Variants in NEXMIF observed in about 807,000 individuals in gnomAD.
NEXMIF encodes neurite extension and migration factor, also known as XLMR protein related to neurite extension.
A neutral mutation model predicts 62.1 loss-of-function variants in NEXMIF; 8 were observed. The observed-to-expected ratio is 0.13, with a 90% CI of 0.08 to 0.23. The LOEUF (loss-of-function observed/expected upper bound fraction) is 0.23. Ranked by LOEUF, NEXMIF falls within the 10% of genes least tolerant of loss-of-function variation. The pLI, the probability that NEXMIF is intolerant of heterozygous loss-of-function variation, is 1.00. For missense variants in NEXMIF, 976 were observed against 1,113.3 expected (o/e 0.88, Z 1.75); for synonymous variants, 404 against 416.6 (o/e 0.97, Z 0.37).
chrX:74,783,808 A>G (rs950284098), intron 1 of NEXMIF, among the ~76,000 whole-genome samples: 1 of 111,833 alleles, frequency 8.9e-6, no homozygotes, highest in Non-Finnish European at 1.9e-5. Context: ...TTTATTGTCC[A>G]TCTGTAAGAT....
At chrX:74,793,287 C>A (rs374204508) in intron 1 of NEXMIF, among the ~76,000 whole-genome samples, 46 of 109,768 alleles carry the variant, frequency 4.2e-4, no homozygotes, top group East Asian at 1.7e-3. Context: ...TTTCTTTAAG[C>A]ATGTTGAATA....
intron 1 of NEXMIF, among the ~76,000 whole-genome samples, chrX:74,865,686 C>G (rs1259827923): frequency 8.9e-6 from 1 of 112,000 alleles, no homozygotes; most frequent in Admixed American, 9.4e-5. Context: ...CAGGGCCCCT[C>G]TGTTATGTGC....
At chrX:74,885,473 T>A (rs1421863470) in intron 1 of NEXMIF, among the ~76,000 whole-genome samples, 1 of 111,310 alleles carries the variant, frequency 9.0e-6, no homozygotes, top group Non-Finnish European at 1.9e-5. Flanking sequence ...ATATCACCAC[T>A]GATCCCACAG....
chrX:74,794,304 G>A (rs1253090353), intron 1 of NEXMIF, among the ~76,000 whole-genome samples: 4 of 106,049 alleles, frequency 3.8e-5, no homozygotes, highest in African/African-American at 1.0e-4. Context: ...CAGGGGTCAG[G>A]GACCCACTTG....
At position 74,866,540 on chromosome X, in the gene NEXMIF, A is replaced by G. The variant is rs747417071; in HGVS notation, c.-48+58343T>C. Among the ~76,000 whole-genome samples the G allele has an allele frequency of 1.1e-4, 12 of 112,276 alleles. No homozygotes were observed. The East Asian group carries it at 3.1e-3, about 29-fold the overall frequency. On this transcript the variant is annotated intron_variant, in intron 1 of 3. Transcript: ENST00000055682. ...GGCATTATTGGTTTCAAAATGTGAG[A>G]ACATGAGATTTGGAAGGGGCCAAGG... is the stretch of plus-strand genomic sequence containing the variant.
intron 1 of NEXMIF, among the ~76,000 whole-genome samples, chrX:74,791,381 G>A (rs895371717): frequency 6.3e-5 from 7 of 111,528 alleles, no homozygotes; most frequent in Non-Finnish European, 1.1e-4. Flanking sequence ...CGGTTTGCCA[G>A]TATTTTATTG....
At position 74,775,506 on chromosome X, in the gene NEXMIF, G is replaced by A. The variant is rs1169082549; in HGVS notation, c.-47-29809C>T. ...ACATCACAGAATCAGTTTAGAGCCT[G>A]CTATTTTGTTGATGCCTTGAACACT... On this transcript the variant is annotated intron_variant, in intron 1 of 3. Coordinates refer to ENST00000055682, the MANE Select transcript of NEXMIF (RefSeq NM_001008537.3). Among the ~76,000 whole-genome samples, 9 of 112,191 alleles carry A rather than the reference G, an allele frequency of 8.0e-5. No homozygotes were observed. The East Asian group carries it at 2.5e-3, about 31-fold the overall frequency.
At chrX:74,790,497 T>G (rs1446320488) in intron 1 of NEXMIF, among the ~76,000 whole-genome samples, 1 of 110,797 alleles carries the variant, frequency 9.0e-6, no homozygotes, top group Non-Finnish European at 1.9e-5. Context: ...AAGTAGTTTT[T>G]TCCAATTCTG....
chrX:74,773,097 A>T (rs12687110), intron 1 of NEXMIF, among the ~76,000 whole-genome samples: 7,049 of 111,016 alleles, frequency 0.063, 259 homozygotes, highest in African/African-American at 0.14. Context: ...GATGTAGGTA[A>T]CCTGCCCCAT....
At chrX:74,888,055 G>A (rs1020778280) in intron 1 of NEXMIF, among the ~76,000 whole-genome samples, 6 of 109,244 alleles carry the variant, frequency 5.5e-5, no homozygotes, top group African/African-American at 1.3e-4. Flanking sequence ...AACCAAACAC[G>A]GCATGTTCTC....
At chrX:74,778,268 T>C (rs1031344133) in intron 1 of NEXMIF, among the ~76,000 whole-genome samples, 2 of 111,803 alleles carry the variant, frequency 1.8e-5, no homozygotes, top group Non-Finnish European at 3.8e-5. Flanking sequence ...TTTCCCAACC[T>C]AACTCAATTA....
intron 1 of NEXMIF, among the ~76,000 whole-genome samples, chrX:74,796,303 T>TATATATATAC (rs1556024149): frequency 3.1e-5 from 2 of 65,232 alleles, no homozygotes; most frequent in Admixed American, 2.4e-4. Context: ...TATATATATA[T>TATATATATAC]ACACACACAC....
At chrX:74,790,313 C>A (rs1569343491) in intron 1 of NEXMIF, among the ~76,000 whole-genome samples, 1 of 112,231 alleles carries the variant, frequency 8.9e-6, no homozygotes, top group African/African-American at 3.2e-5. Flanking sequence ...TCTGAGGGCT[C>A]TGTTCTGTTC....
intron 1 of NEXMIF, among the ~76,000 whole-genome samples, chrX:74,856,561 C>A (rs1248547370): frequency 1.8e-5 from 2 of 110,831 alleles, no homozygotes; most frequent in African/African-American, 3.3e-5. Context: ...ACAACAGTGG[C>A]CACATAAGAT....
At chrX:74,844,955 C>T in intron 1 of NEXMIF, among the ~76,000 whole-genome samples, 1 of 112,200 alleles carries the variant, frequency 8.9e-6, no homozygotes, top group Non-Finnish European at 1.9e-5. Flanking sequence ...AGGGCTTGCC[C>T]TGATTGATTA....
intron 1 of NEXMIF, among the ~76,000 whole-genome samples, chrX:74,867,637 G>A (rs1417040894): frequency 8.9e-6 from 1 of 112,190 alleles, no homozygotes; most frequent in Non-Finnish European, 1.9e-5. Flanking sequence ...ATATGCTGAA[G>A]ATGGACTAAA....
At chrX:74,750,912 A>G (rs763811898) in intron 1 of NEXMIF, among the ~76,000 whole-genome samples, 1 of 111,412 alleles carries the variant, frequency 9.0e-6, no homozygotes, top group South Asian at 3.8e-4. Flanking sequence ...TCTATTAAAT[A>G]TTTCCTCTCT....
rs1472775267 is a variant in NEXMIF at position 74,925,126 on chromosome X, C to G, written c.-291G>C. 8.6e-6 allele frequency: 1 copy of G among 116,643 alleles called. No individual in the cohort carries two copies. The highest frequency in any genetic ancestry group is 1.8e-5 in the Non-Finnish European group (1 of 55,347). The allele number at this position is 116,643 out of a possible 1,213,427, so 9.6% of individuals were successfully genotyped here. On this transcript the variant is annotated 5_prime_UTR_variant, in exon 1 of 4. Coordinates refer to ENST00000055682, the MANE Select transcript of NEXMIF (RefSeq NM_001008537.3). The stretch of plus-strand genomic sequence containing the variant: ...GCTCCCTCAGGCTCCGCCGCCGCCG[C>G]GCTAGATGGAGTCAGAGCTGTCGGG...
chrX:74,778,395 T>G (rs2080235015), intron 1 of NEXMIF, among the ~76,000 whole-genome samples: 1 of 111,483 alleles, frequency 9.0e-6, no homozygotes, highest in African/African-American at 3.3e-5. Context: ...CCTTCCTCCA[T>G]GGATCTCATC....
Sources: gnomAD v4.1 joint callset for allele counts (sites outside exome capture counted in the v4.1 genomes callset) on GRCh38, gnomAD v4.1.1 for gene constraint, MANE v1.5 for transcripts, NCBI Gene and HGNC (gene_info 2026-07-23, HGNC 2026-07-21) for gene names.